The following ATP9B variants were observed in gnomAD, a reference collection of about 807,000 sequenced individuals.
ATP9B encodes the protein probable phospholipid-transporting ATPase IIB.
A neutral mutation model predicts 146.1 loss-of-function variants in ATP9B; 110 were observed. The ratio of observed to expected loss-of-function variants is 0.75; its 90% confidence interval spans 0.65 to 0.88. ATP9B has a LOEUF of 0.88. Ranked by LOEUF, ATP9B falls within the 40% of genes least tolerant of loss-of-function variation. ATP9B has a pLI of 0.00. For missense variants in ATP9B, 1,499 were observed against 1,496.4 expected (o/e 1.00, Z -0.03); for synonymous variants, 604 against 569.7 (o/e 1.06, Z -0.86).
At chr18:79,189,691 G>A (rs767441124) in intron 8 of ATP9B, among the ~76,000 whole-genome samples, 2 of 152,320 alleles carry the variant, frequency 1.3e-5, no homozygotes, top group East Asian at 1.9e-4. Context: ...GATAGCACAA[G>A]TTGACATCAC....
intron 12 of ATP9B, among the ~76,000 whole-genome samples, chr18:79,272,673 C>G (rs768197614): frequency 1.3e-5 from 2 of 152,240 alleles, no homozygotes; most frequent in Non-Finnish European, 2.9e-5. Flanking sequence ...TGAGCCCTCT[C>G]CACTATAGCT....
intron 9 of ATP9B, 63 bp from the exon 10 acceptor site, chr18:79,206,874 T>C (rs1354422170): frequency 6.8e-7 from 1 of 1,475,740 alleles, no homozygotes; most frequent in Non-Finnish European, 9.4e-7. Flanking sequence ...ACTGAGGTTA[T>C]ATAAGGTGTG....
chr18:79,333,701 T>G (rs1361030800), intron 17 of ATP9B, among the ~76,000 whole-genome samples: 3 of 152,068 alleles, frequency 2.0e-5, no homozygotes, highest in Admixed American at 6.5e-5. Context: ...AAAAGACCTC[T>G]CCTCTCGCCG....
chr18:79,148,690 T>C (rs943631043), intron 6 of ATP9B, among the ~76,000 whole-genome samples: 1 of 152,194 alleles, frequency 6.6e-6, no homozygotes, highest in Admixed American at 6.5e-5. Context: ...TTACTGTTAC[T>C]CAATGGCACT....
chr18:79,196,501 C>T (rs1366803139), intron 9 of ATP9B, among the ~76,000 whole-genome samples: 1 of 152,138 alleles, frequency 6.6e-6, no homozygotes, highest in Non-Finnish European at 1.5e-5. Context: ...TTGGTTGCTA[C>T]GTGGGTGTTA....
intron 9 of ATP9B, among the ~76,000 whole-genome samples, chr18:79,202,449 T>C (rs1217324725): frequency 2.6e-5 from 4 of 152,208 alleles, no homozygotes; most frequent in Admixed American, 2.6e-4. Context: ...ATTGTTCATG[T>C]CTTCTTCAGC....
chr18:79,210,709 A>G (rs939565527), intron 10 of ATP9B, among the ~76,000 whole-genome samples: 13 of 152,240 alleles, frequency 8.5e-5, no homozygotes, highest in African/African-American at 2.9e-4. Context: ...GGAGCAGTGC[A>G]CACTGGGGTT....
At chr18:79,302,457 C>T (rs187137056) in intron 13 of ATP9B, among the ~76,000 whole-genome samples, 1 of 151,108 alleles carries the variant, frequency 6.6e-6, no homozygotes, top group African/African-American at 2.4e-5. Flanking sequence ...AGTGCACACA[C>T]CCCCGGGGAC....
At chr18:79,320,979 A>G (rs1465087659) in intron 15 of ATP9B, among the ~76,000 whole-genome samples, 2 of 152,234 alleles carry the variant, frequency 1.3e-5, no homozygotes, top group African/African-American at 4.8e-5. Context: ...AAACATCTTT[A>G]GGAAGATAAT....
Position 79,173,591 on chromosome 18 carries a change from A to G in ATP9B, c.779-3222A>G, listed in dbSNP as rs1463117803. The G allele has an allele frequency of 7.0e-6, 3 of 430,158 alleles. No individual in the cohort carries two copies. The East Asian group carries it at 2.1e-4, about 30-fold the overall frequency. 26.6% of individuals were successfully genotyped at this position (430,158 alleles called of 1,614,324 possible). ...TTATAGTGAAGACTCCATTCTCCAT[A>G]AATTGCTTTTGTAAATGCATCAAAA... On this transcript the variant is annotated intron_variant, in intron 7 of 29. Coordinates refer to ENST00000426216, the MANE Select transcript of ATP9B (RefSeq NM_198531.5).
At chr18:79,319,888 C>T (rs1226908364) in intron 15 of ATP9B, among the ~76,000 whole-genome samples, 1 of 152,138 alleles carries the variant, frequency 6.6e-6, no homozygotes, top group African/African-American at 2.4e-5. Flanking sequence ...TATTATTAAC[C>T]TATTTACTTC....
At chr18:79,192,738 T>C (rs559988677) in intron 8 of ATP9B, among the ~76,000 whole-genome samples, 1 of 152,362 alleles carries the variant, frequency 6.6e-6, no homozygotes, top group South Asian at 2.1e-4. Flanking sequence ...CCTTAGCTTA[T>C]AGTGACCAGT....
At chr18:79,134,509 G>A (rs1254188104) in intron 5 of ATP9B, among the ~76,000 whole-genome samples, 3 of 152,150 alleles carry the variant, frequency 2.0e-5, no homozygotes, top group African/African-American at 4.8e-5. Flanking sequence ...AGTGAACTGC[G>A]GGAGTCAAGA....
At chr18:79,231,372 T>C (rs1179017730) in intron 11 of ATP9B, among the ~76,000 whole-genome samples, 1 of 151,822 alleles carries the variant, frequency 6.6e-6, no homozygotes, top group Non-Finnish European at 1.5e-5. Context: ...GGTATACAAA[T>C]GGCCAACAAA....
intron 25 of ATP9B, among the ~76,000 whole-genome samples, chr18:79,352,281 C>G (rs759424119): frequency 3.9e-5 from 6 of 152,158 alleles, no homozygotes; most frequent in Non-Finnish European, 5.9e-5. Context: ...CTTAATTGAG[C>G]ACCAAGAAGG....
chr18:79,369,118 G>A lies in ATP9B; in HGVS notation c.3013-3707G>A, dbSNP rs192773194. 2.7e-4 allele frequency among the ~76,000 whole-genome samples: 41 copies of A among 152,324 alleles called. No homozygotes were observed. In the East Asian group the frequency reaches 6.8e-3, roughly 25 times the overall value. The stretch of plus-strand genomic sequence containing the variant: ...AATAATTACAATTATGGGAACAGGC[G>A]AAATTTGTTGTTGTTGTTGTTCTAG... On this transcript the variant is annotated intron_variant, in intron 26 of 29. Coordinates refer to ENST00000426216, the MANE Select transcript of ATP9B (RefSeq NM_198531.5).
intron 15 of ATP9B, among the ~76,000 whole-genome samples, chr18:79,310,724 G>A (rs1435832556): frequency 6.6e-6 from 1 of 152,198 alleles, no homozygotes; most frequent in African/African-American, 2.4e-5. Context: ...CCTGGGGAAG[G>A]AAAGATATAC....
At chr18:79,185,996 A>G (rs1164012845) in intron 8 of ATP9B, among the ~76,000 whole-genome samples, 1 of 152,236 alleles carries the variant, frequency 6.6e-6, no homozygotes, top group East Asian at 1.9e-4. Context: ...CAGAGCCTGT[A>G]ATGGCAGGTG....
intron 11 of ATP9B, among the ~76,000 whole-genome samples, chr18:79,241,088 G>T (rs749132455): frequency 1.2e-4 from 19 of 152,204 alleles, no homozygotes; most frequent in Non-Finnish European, 2.5e-4. Context: ...GTGGAAAAAT[G>T]AATCACTTAT....
Sources: gnomAD v4.1 joint callset for allele counts (sites outside exome capture counted in the v4.1 genomes callset) on GRCh38, gnomAD v4.1.1 for gene constraint, MANE v1.5 for transcripts, NCBI Gene and HGNC (gene_info 2026-07-23, HGNC 2026-07-21) for gene names.